The following PLCB1 variants were observed in gnomAD, a reference collection of about 807,000 sequenced individuals.
The protein encoded by PLCB1 is 1-phosphatidylinositol 4,5-bisphosphate phosphodiesterase beta-1.
PLCB1 carries 46 observed loss-of-function variants against 161.8 expected under a neutral mutation model. The ratio of observed to expected loss-of-function variants is 0.28; its 90% CI spans 0.22 to 0.36. PLCB1 has a LOEUF of 0.36. PLCB1 is among the 10% of genes least tolerant of loss of function. The pLI is 1.00. For missense variants in PLCB1, 1,016 were observed against 1,472.5 expected (o/e 0.69, Z 5.07); for synonymous variants, 517 against 503.7 (o/e 1.03, Z -0.35).
In PLCB1 at chr20:8,790,281, A is replaced by G; in HGVS notation, c.3423+20A>G. The G allele has an allele frequency of 6.4e-7, 1 of 1,572,102 alleles. No homozygotes were observed. The highest frequency in any genetic ancestry group is 2.3e-5 in the East Asian group (1 of 43,320). The stretch of plus-strand genomic sequence containing the variant: ...CCCAAGGTAAACGGAACTGAATTAA[A>G]ATGAACAATTATTTTATTTGATTTC... On this transcript the variant is annotated intron_variant, in intron 31 of 31. Coordinates refer to ENST00000338037, the MANE Select transcript of PLCB1 (RefSeq NM_015192.4).
intron 20 of PLCB1, 141 bp from the exon 21 acceptor site, chr20:8,739,120 C>T: frequency 1.5e-6 from 1 of 646,942 alleles, no homozygotes; most frequent in East Asian, 2.7e-5. Flanking sequence ...CACTGCACTT[C>T]AGCCTGGGTG....
At chr20:8,528,758 G>A (rs575429025) in intron 3 of PLCB1, among the ~76,000 whole-genome samples, 43 of 151,906 alleles carry the variant, frequency 2.8e-4, no homozygotes, top group African/African-American at 9.9e-4. Context: ...TGTAAAAGAG[G>A]ACGCAAAAGG....
chr20:8,636,446 G>A (rs1327834687), intron 4 of PLCB1, among the ~76,000 whole-genome samples: 1 of 152,206 alleles, frequency 6.6e-6, no homozygotes, highest in African/African-American at 2.4e-5. Flanking sequence ...TTGGATATGT[G>A]TCAGGCAAAT....
intron 3 of PLCB1, among the ~76,000 whole-genome samples, chr20:8,433,969 G>T (rs1208896405): frequency 2.0e-5 from 3 of 151,868 alleles, no homozygotes; most frequent in African/African-American, 7.3e-5. Flanking sequence ...TTATGTGTTT[G>T]TTTTTTGCCC....
At chr20:8,844,971 G>C (rs113052210) in intron 31 of PLCB1, among the ~76,000 whole-genome samples, 1 of 151,842 alleles carries the variant, frequency 6.6e-6, no homozygotes, top group African/African-American at 2.4e-5. Flanking sequence ...AAAATTAGCC[G>C]GGTGAGGTGG....
intron 31 of PLCB1, among the ~76,000 whole-genome samples, chr20:8,872,563 G>A (rs755927423): frequency 3.3e-5 from 5 of 152,156 alleles, no homozygotes; most frequent in Non-Finnish European, 7.4e-5. Flanking sequence ...CGAACATTCT[G>A]AATTTGCTAT....
At chr20:8,787,429 A>G (rs1983542753) in intron 27 of PLCB1, among the ~76,000 whole-genome samples, 1 of 152,198 alleles carries the variant, frequency 6.6e-6, no homozygotes, top group Non-Finnish European at 1.5e-5. Context: ...TCTTGTCACT[A>G]TTACAGCTGC....
At chr20:8,678,892 G>T (rs1201916050) in intron 9 of PLCB1, among the ~76,000 whole-genome samples, 3 of 152,162 alleles carry the variant, frequency 2.0e-5, no homozygotes, top group African/African-American at 7.2e-5. Flanking sequence ...CATGAAATTA[G>T]TGTGTCCACT....
At chr20:8,231,723 G>A (rs898857153) in intron 2 of PLCB1, among the ~76,000 whole-genome samples, 2 of 36 alleles carry the variant, frequency 0.056, no homozygotes, top group Non-Finnish European at 0.083. Context: ...TGACCAAACA[G>A]GAGAGCCCTG....
chr20:8,607,584 C>T (rs930415593), intron 3 of PLCB1, among the ~76,000 whole-genome samples: 1 of 152,198 alleles, frequency 6.6e-6, no homozygotes, highest in Non-Finnish European at 1.5e-5. Context: ...CTTCTCCAGA[C>T]TTTGGTGTAG....
intron 2 of PLCB1, among the ~76,000 whole-genome samples, chr20:8,236,707 C>A (rs1980346987): frequency 6.6e-6 from 1 of 151,948 alleles, no homozygotes; most frequent in African/African-American, 2.4e-5. Flanking sequence ...CCGAACCAAA[C>A]AAACTGGAAT....
At chr20:8,202,667 G>A (rs879270004) in intron 2 of PLCB1, among the ~76,000 whole-genome samples, 4 of 152,194 alleles carry the variant, frequency 2.6e-5, no homozygotes, top group Admixed American at 6.5e-5. Flanking sequence ...TGAGAGTACA[G>A]TGTGTGCCAG....
At chr20:8,161,253 A>G (rs915199186) in intron 2 of PLCB1, among the ~76,000 whole-genome samples, 6 of 152,230 alleles carry the variant, frequency 3.9e-5, no homozygotes, top group Admixed American at 1.3e-4. Flanking sequence ...ATATACATAC[A>G]TAGTGTGTCT....
chr20:8,348,896 C>T (rs1283338728), intron 2 of PLCB1, among the ~76,000 whole-genome samples: 2 of 152,042 alleles, frequency 1.3e-5, no homozygotes, highest in Non-Finnish European at 2.9e-5. Context: ...TGATTGAATA[C>T]AGATTGCAAA....
chr20:8,833,901 T>C (rs1028233720), intron 31 of PLCB1, among the ~76,000 whole-genome samples: 3 of 152,178 alleles, frequency 2.0e-5, no homozygotes, highest in African/African-American at 7.2e-5. Flanking sequence ...TGCCCATCCT[T>C]CTGGAATATT....
In PLCB1 at chr20:8,717,846, C is replaced by T. The variant is rs766580742; in HGVS notation, c.1511C>T (p.Ala504Val). 2 of 1,605,264 alleles carry T rather than the reference C, an allele frequency of 1.2e-6. No homozygotes were observed. The highest frequency in any genetic ancestry group is 2.2e-5 in the South Asian group (2 of 89,320). ...SSMFEPSSPG[A>V]GEADTESDDD... ...ATGTTCGAGCCCTCATCCCCAGGAG[C>T]CGGTGAGGGGCTGGTGGGCTCTCCC... Residue 504 changes from alanine to valine, a missense_variant and splice_region_variant, in exon 14 of 32, where the codon GCC becomes GTC. By Grantham distance (64) the Ala-to-Val change is moderately conservative (BLOSUM62 0). This residue lies in a region of PLCB1 where 109 missense variants were observed against 129.7 expected (regional missense o/e 0.84). Transcript: ENST00000338037.
chr20:8,168,730 T>A (rs1228673247), intron 2 of PLCB1, among the ~76,000 whole-genome samples: 1 of 152,130 alleles, frequency 6.6e-6, no homozygotes, highest in Non-Finnish European at 1.5e-5. Flanking sequence ...TGGAAGTGAT[T>A]TTTCTGTGCC....
Position 8,438,813 on chromosome 20 carries a change from G to T in PLCB1, c.246+67363G>T, listed in dbSNP as rs182159354. On this transcript the variant is annotated intron_variant, in intron 3 of 31. Coordinates refer to ENST00000338037, the MANE Select transcript of PLCB1 (RefSeq NM_015192.4). ...GTCCTCACCCCAGGCCACAAGAAGAGCATCTCCTCAGAAAGTGGCCACTGG... is the reference window on the plus strand; with the variant it reads ...GTCCTCACCCCAGGCCACAAGAAGATCATCTCCTCAGAAAGTGGCCACTGG... Among the ~76,000 whole-genome samples, 680 of 152,294 alleles carry T rather than the reference G, an allele frequency of 4.5e-3. 8 individuals are homozygous for T. The highest frequency in any genetic ancestry group is 0.015 in the African/African-American group (623 of 41,560).
chr20:8,771,881 C>CTTCCTTCCTTCGTTCCTTCCTTCCTTCG (rs1242254374), intron 26 of PLCB1, among the ~76,000 whole-genome samples: 2 of 149,658 alleles, frequency 1.3e-5, no homozygotes, highest in African/African-American at 4.9e-5. Context: ...TCCTTCGTTC[C>CTTCCTTCCTTCGTTCCTTCCTTCCTTCG]TTCCTTCCTT....
Sources: gnomAD v4.1 joint callset for allele counts (sites outside exome capture counted in the v4.1 genomes callset) on GRCh38, gnomAD v4.1.1 for gene constraint, gnomAD v4.1.1 regional missense constraint, MANE v1.5 for transcripts, NCBI Gene and HGNC (gene_info 2026-07-23, HGNC 2026-07-21) for gene names.